Variants in NLRC3 observed in about 807,000 individuals in gnomAD.
NLRC3 encodes the protein NLR family CARD domain containing 3, also known as NLR family CARD domain-containing protein 3.
In NLRC3, 87 loss-of-function variants were observed where a neutral mutation model predicts 91.6. That is an observed-to-expected ratio of 0.95 (90% CI 0.80 to 1.14). The LOEUF (loss-of-function observed/expected upper bound fraction) is 1.14, where lower values mean the gene tolerates loss of function less well. Ranked by LOEUF, NLRC3 falls within the 50% of genes most tolerant of loss-of-function variation. The pLI is 0.00. For missense variants in NLRC3, 1,577 were observed against 1,418.6 expected, an observed-to-expected ratio of 1.11 and a Z score of -1.79; for synonymous variants, 694 against 625.3, an observed-to-expected ratio of 1.11 and a Z score of -1.64.
intron 6 of NLRC3, among the ~76,000 whole-genome samples, 175 bp from the exon 7 acceptor site, chr16:3,557,851 G>T (rs2039421196): frequency 6.6e-6 from 1 of 152,210 alleles, no homozygotes; most frequent in Admixed American, 6.5e-5. Flanking sequence ...GAGCCCCTGA[G>T]CCTGGGCAGC....
At chr16:3,553,844 C>T (rs1193381033) in intron 9 of NLRC3, among the ~76,000 whole-genome samples, 1 of 151,412 alleles carries the variant, frequency 6.6e-6, no homozygotes. Context: ...CAGGTTCAAG[C>T]GATTCTCTCA....
In NLRC3 at chr16:3,549,143, C is replaced by G. The variant is rs1407007828; in HGVS notation, c.2602G>C (p.Asp868His). 6.4e-7 allele frequency: 1 copy of G among 1,571,180 alleles called. No homozygotes were observed. Among genetic ancestry groups the G allele is most frequent in the Admixed American group, 1.9e-5 (1 of 53,696 alleles). The change falls in exon 13 of 20, where the codon GAC becomes CAC. Residue 868 changes from aspartate to histidine, a missense_variant and splice_region_variant. Coordinates refer to ENST00000359128, the MANE Select transcript of NLRC3 (RefSeq NM_178844.4). ...LCANSTLKNL[D>H]LTANLLHDQG... ...GAGTCACAGGCCCCCACCACGTACT[C>G]CAGGTTCTTCAGGGTGCTGTTGGCG...
chr16:3,563,472 G>A lies in NLRC3; in HGVS notation c.1465C>T (p.Leu489=), dbSNP rs1194795663. Residue 489 remains leucine, a synonymous_variant, in exon 5 of 20, where the codon CTG becomes TTG. Transcript: ENST00000359128. ...FTESGVSWPR[L]GFLTHFRSAA... ...CTCCTGAAATGCGTGAGGAAGCCCA[G>A]CCTGGGCCAGGATACGCCGCTCTCA... The A allele has an allele frequency of 1.4e-5, 23 of 1,586,570 alleles. No individual in the cohort carries two copies. In the Middle Eastern group the frequency reaches 8.3e-4, roughly 57 times the overall value.
At chr16:3,569,694 A>G (rs1032479828) in intron 1 of NLRC3, among the ~76,000 whole-genome samples, 1 of 151,712 alleles carries the variant, frequency 6.6e-6, no homozygotes, top group Non-Finnish European at 1.5e-5. Flanking sequence ...CACCGTGCCC[A>G]GCCCAAAAAC....
chr16:3,555,969 A>C (rs2039297718), intron 8 of NLRC3: 1 of 149,338 alleles, frequency 6.7e-6, no homozygotes, highest in Non-Finnish European at 1.5e-5. Flanking sequence ...TAAATAAATA[A>C]ATGAAAACAG....
chr16:3,572,797 G>A (rs1567157078), intron 1 of NLRC3, among the ~76,000 whole-genome samples: 1 of 152,080 alleles, frequency 6.6e-6, no homozygotes, highest in Non-Finnish European at 1.5e-5. Context: ...CAGATCATCT[G>A]AGGTCAGGGG....
chr16:3,542,961 CA>C (rs2038484705), intron 17 of NLRC3, 186 bp from the exon 18 acceptor site: 2 of 582,234 alleles, frequency 3.4e-6, no homozygotes, highest in Non-Finnish European at 6.1e-6. Flanking sequence ...GCAGGGCACA[CA>C]GGGGCATGGC....
Position 3,541,531 on chromosome 16 carries a change from A to G in NLRC3, c.*294T>C, listed in dbSNP as rs1294213043. Reference sequence around the variant, plus strand: ...GTCCTCAGGGTGTAAAGCTGGAACCAGCCTCCTGTACTGCTCAGCTTTCAG... The same window carrying G: ...GTCCTCAGGGTGTAAAGCTGGAACCGGCCTCCTGTACTGCTCAGCTTTCAG... On this transcript the variant is annotated 3_prime_UTR_variant, in exon 20 of 20. Transcript: ENST00000359128. 2.0e-5 allele frequency: 7 copies of G among 351,130 alleles called. No individual in the cohort carries two copies. The highest frequency in any genetic ancestry group is 1.6e-5 in the Non-Finnish European group (3 of 192,776). 21.8% of individuals were successfully genotyped at this position (351,130 alleles called of 1,614,324 possible).
intron 2 of NLRC3, among the ~76,000 whole-genome samples, chr16:3,565,962 C>G (rs569817118): frequency 1.3e-5 from 2 of 151,682 alleles, no homozygotes; most frequent in Non-Finnish European, 2.9e-5. Context: ...ATCGCTTGAG[C>G]CCAGGAGGTC....
At chr16:3,550,327 G>T in intron 11 of NLRC3, 87 bp downstream of exon 11, 1 of 831,990 alleles carries the variant, frequency 1.2e-6, no homozygotes, top group Non-Finnish European at 2.0e-6. Flanking sequence ...AATGGCCCTG[G>T]GGGACAGCCA....
At chr16:3,572,382 C>G (rs1331246272) in intron 1 of NLRC3, among the ~76,000 whole-genome samples, 1 of 152,078 alleles carries the variant, frequency 6.6e-6, no homozygotes, top group Non-Finnish European at 1.5e-5. Context: ...TCACTGCAGC[C>G]TCAACTTCCC....
At chr16:3,573,343 G>A (rs1191672413) in intron 1 of NLRC3, among the ~76,000 whole-genome samples, 6 of 152,008 alleles carry the variant, frequency 3.9e-5, no homozygotes, top group African/African-American at 7.2e-5. Context: ...TGGGAGGATC[G>A]CTTAACTCCC....
At position 3,552,934 on chromosome 16, in the gene NLRC3, G is replaced by A. The variant is rs113851606; in HGVS notation, c.2268-655C>T. 4.8e-3 allele frequency among the ~76,000 whole-genome samples: 727 copies of A among 152,072 alleles called. 6 individuals carry two copies. Among genetic ancestry groups the A allele is most frequent in the Middle Eastern group, 0.031 (9 of 292 alleles). ...CAGGCGGGCAATAGAGCGAGACTCC[G>A]TCTCAAATAAAAAAGAAAAAAGAAA... On this transcript the variant is annotated intron_variant, in intron 9 of 19. Coordinates refer to ENST00000359128, the MANE Select transcript of NLRC3 (RefSeq NM_178844.4).
At chr16:3,552,068 C>T (rs1406468192) in intron 10 of NLRC3, 128 bp downstream of exon 10, 7 of 642,708 alleles carry the variant, frequency 1.1e-5, no homozygotes, top group African/African-American at 1.1e-4. Context: ...CATCCATCCA[C>T]CCACCCATCC....
At chr16:3,548,593 T>C in intron 14 of NLRC3, 77 bp downstream of exon 14, 1 of 1,085,866 alleles carries the variant, frequency 9.2e-7, no homozygotes, top group Non-Finnish European at 1.4e-6. Context: ...AGGTGTGGCC[T>C]GTGCATCGTT....
intron 11 of NLRC3, among the ~76,000 whole-genome samples, chr16:3,550,144 C>T (rs2038917384): frequency 1.3e-5 from 2 of 152,202 alleles, no homozygotes; most frequent in African/African-American, 4.8e-5. Context: ...CCTACCAAAG[C>T]TGCTGCAGCT....
chr16:3,544,128 A>C lies in NLRC3; in HGVS notation c.2855+118T>G, dbSNP rs546017548. The C allele has an allele frequency of 3.2e-5, 21 of 650,154 alleles. No homozygotes were observed. In the African/African-American group the frequency reaches 3.5e-4, roughly 11 times the overall value. The allele number at this position is 650,154 out of a possible 1,614,324, so 40.3% of individuals were successfully genotyped here. On this transcript the variant is annotated intron_variant, in intron 16 of 19. Coordinates refer to ENST00000359128, the MANE Select transcript of NLRC3 (RefSeq NM_178844.4). ...AGCTGAGATTATGTCACTGCACTCC[A>C]GCCTGGGTGGCAGAGCAAGACTCTT... is the stretch of plus-strand genomic sequence containing the variant.
In NLRC3 at chr16:3,570,945, T is replaced by C. The variant is rs186166128; in HGVS notation, c.-168-3621A>G. The stretch of plus-strand genomic sequence containing the variant: ...CTGATATTGAACCAACCTTGCATTC[T>C]AGAATACAGTCTTCCATTTGTATTA... On this transcript the variant is annotated intron_variant, in intron 1 of 19. Coordinates refer to ENST00000359128, the MANE Select transcript of NLRC3 (RefSeq NM_178844.4). 3.4e-3 allele frequency among the ~76,000 whole-genome samples: 519 copies of C among 152,290 alleles called. 4 individuals carry two copies. The highest frequency in any genetic ancestry group is 0.02 in the Middle Eastern group (6 of 294).
intron 6 of NLRC3, among the ~76,000 whole-genome samples, chr16:3,558,912 G>C (rs1176169131): frequency 1.3e-5 from 2 of 152,078 alleles, no homozygotes; most frequent in Non-Finnish European, 2.9e-5. Context: ...ACTGGGACCA[G>C]AGGTGCACGC....
Sources: gnomAD v4.1 joint callset for allele counts (sites outside exome capture counted in the v4.1 genomes callset) on GRCh38, gnomAD v4.1.1 for gene constraint, MANE v1.5 for transcripts, NCBI Gene and HGNC (gene_info 2026-07-23, HGNC 2026-07-21) for gene names.